Variants in AGBL4 observed in about 807,000 individuals in gnomAD.
The protein encoded by AGBL4 is cytosolic carboxypeptidase 6.
AGBL4 carries 58 observed loss-of-function variants against 66.4 expected under a neutral mutation model. That is an observed-to-expected ratio of 0.87 (90% CI 0.71 to 1.09). The LOEUF is 1.09. Ranked by LOEUF, AGBL4 falls within the 50% of genes least tolerant of loss-of-function variation. The pLI is 0.00. For synonymous variants in AGBL4, 234 were observed against 222.9 expected (o/e 1.05, Z -0.44); for missense variants, 579 against 631.0 (o/e 0.92, Z 0.88).
chr1:49,658,960 TA>T (rs767377495), intron 3 of AGBL4, among the ~76,000 whole-genome samples: 9 of 152,056 alleles, frequency 5.9e-5, no homozygotes, highest in Non-Finnish European at 7.4e-5. Context: ...TATACATATG[TA>T]ACAAACCTGC....
intron 3 of AGBL4, among the ~76,000 whole-genome samples, chr1:49,281,665 T>C (rs941403159): frequency 6.6e-6 from 1 of 152,216 alleles, no homozygotes; most frequent in Non-Finnish European, 1.5e-5. Context: ...TTTCCTGGCA[T>C]ACAGCTACTA....
At chr1:48,737,365 C>T (rs1649238614) in intron 6 of AGBL4, among the ~76,000 whole-genome samples, 1 of 152,168 alleles carries the variant, frequency 6.6e-6, no homozygotes, top group African/African-American at 2.4e-5. Context: ...TTTATTTGGG[C>T]TGGGTGTGGC....
chr1:49,007,788 G>A (rs1480764624), intron 5 of AGBL4, among the ~76,000 whole-genome samples: 3 of 151,802 alleles, frequency 2.0e-5, no homozygotes, highest in Non-Finnish European at 4.4e-5. Flanking sequence ...AGCTTCAAAA[G>A]TGAAGGAGAA....
At chr1:49,183,219 G>A (rs559268173) in intron 4 of AGBL4, among the ~76,000 whole-genome samples, 5 of 152,238 alleles carry the variant, frequency 3.3e-5, no homozygotes, top group South Asian at 4.2e-4. Context: ...GACGGAATTC[G>A]AGGAGAGACT....
At chr1:49,930,595 G>A (rs527705787) in intron 1 of AGBL4, among the ~76,000 whole-genome samples, 19 of 152,102 alleles carry the variant, frequency 1.2e-4, no homozygotes, top group African/African-American at 3.9e-4. Flanking sequence ...GATTAACTGG[G>A]ATTTATATGA....
intron 3 of AGBL4, among the ~76,000 whole-genome samples, chr1:49,537,886 C>T (rs1570976140): frequency 6.6e-6 from 1 of 151,134 alleles, no homozygotes; most frequent in Non-Finnish European, 1.5e-5. Context: ...AAGAAAGCGC[C>T]ACTGCACTCC....
chr1:49,122,631 C>A (rs774518437), intron 4 of AGBL4, among the ~76,000 whole-genome samples: 1 of 152,188 alleles, frequency 6.6e-6, no homozygotes, highest in Non-Finnish European at 1.5e-5. Context: ...GGAATCCAAG[C>A]AACCTGCAGT....
intron 3 of AGBL4, among the ~76,000 whole-genome samples, chr1:49,582,665 T>C (rs1251608392): frequency 1.3e-5 from 2 of 152,212 alleles, no homozygotes. Flanking sequence ...TCCAAAACCA[T>C]GCACCGTTTG....
intron 4 of AGBL4, among the ~76,000 whole-genome samples, chr1:49,230,051 C>T (rs1650193892): frequency 6.6e-6 from 1 of 152,184 alleles, no homozygotes; most frequent in Non-Finnish European, 1.5e-5. Context: ...CAGGTAGAGC[C>T]TGTCTTCACA....
intron 1 of AGBL4, among the ~76,000 whole-genome samples, chr1:49,947,303 C>A (rs1655303386): frequency 6.6e-6 from 1 of 151,944 alleles, no homozygotes; most frequent in African/African-American, 2.4e-5. Context: ...AAACAAAATA[C>A]TACCTAACCC....
chr1:49,270,209 C>T (rs868726147), intron 3 of AGBL4, among the ~76,000 whole-genome samples: 4 of 152,076 alleles, frequency 2.6e-5, no homozygotes, highest in South Asian at 2.1e-4. Context: ...AATAGTTTTT[C>T]CTTGTCCTTG....
At position 49,579,600 on chromosome 1, in the gene AGBL4, C is replaced by T. The variant is rs545833787; in HGVS notation, c.282+117713G>A. On this transcript the variant is annotated intron_variant, in intron 3 of 13. Coordinates refer to ENST00000371839, the MANE Select transcript of AGBL4 (RefSeq NM_032785.4). ...CTGCAAGCTCCACCTCCCACGTTGA[C>T]GCCATTCTCCTGCCTCAGCCTCCCG... 1.3e-4 allele frequency among the ~76,000 whole-genome samples: 20 copies of T among 152,182 alleles called. No homozygotes were observed. In the South Asian group the frequency reaches 1.5e-3, roughly 11 times the overall value.
intron 5 of AGBL4, among the ~76,000 whole-genome samples, chr1:48,934,962 G>C (rs182161566): frequency 7.9e-5 from 12 of 152,258 alleles, no homozygotes; most frequent in Admixed American, 3.3e-4. Flanking sequence ...GTCTCTAGAA[G>C]TCAAACTTCT....
At chr1:48,658,729 A>G (rs1253774687) in intron 7 of AGBL4, among the ~76,000 whole-genome samples, 1 of 152,186 alleles carries the variant, frequency 6.6e-6, no homozygotes, top group Non-Finnish European at 1.5e-5. Flanking sequence ...GAGAGGTGGG[A>G]GGAAAGCAGA....
chr1:49,414,905 T>A (rs1424222660), intron 3 of AGBL4, among the ~76,000 whole-genome samples: 2 of 152,170 alleles, frequency 1.3e-5, no homozygotes, highest in Non-Finnish European at 2.9e-5. Flanking sequence ...GCTATTTTTA[T>A]TTTGGGACAG....
intron 5 of AGBL4, among the ~76,000 whole-genome samples, chr1:49,020,706 C>T (rs974956802): frequency 1.3e-5 from 2 of 152,102 alleles, no homozygotes; most frequent in Non-Finnish European, 2.9e-5. Context: ...AACAGGAGCC[C>T]AGAGCAAGAT....
intron 3 of AGBL4, among the ~76,000 whole-genome samples, chr1:49,565,803 A>G (rs1226094773): frequency 6.6e-6 from 1 of 152,058 alleles, no homozygotes; most frequent in African/African-American, 2.4e-5. Flanking sequence ...CTTGAGGAGT[A>G]TCTTTGTGGT....
chr1:49,024,838 C>A (rs1181687693), intron 5 of AGBL4, among the ~76,000 whole-genome samples: 1 of 152,130 alleles, frequency 6.6e-6, no homozygotes, highest in Non-Finnish European at 1.5e-5. Context: ...ATCACAGAAA[C>A]CCTTAAGCTA....
At chr1:49,226,757 A>C (rs951595544) in intron 4 of AGBL4, among the ~76,000 whole-genome samples, 1 of 152,212 alleles carries the variant, frequency 6.6e-6, no homozygotes, top group African/African-American at 2.4e-5. Context: ...TCCTTCCTTA[A>C]ATTCAAATTT....
Sources: allele counts gnomAD v4.1 joint callset (sites outside exome capture counted in the v4.1 genomes callset), GRCh38; gene constraint gnomAD v4.1.1; transcripts MANE v1.5; gene names NCBI Gene and HGNC (gene_info 2026-07-23, HGNC 2026-07-21).